SLC4A5: variants seen among roughly 807,000 people sequenced by gnomAD.
SLC4A5 encodes electrogenic sodium bicarbonate cotransporter 4.
A neutral mutation model predicts 120.4 loss-of-function variants in SLC4A5; 96 were observed. That is an observed-to-expected ratio of 0.80 (90% CI 0.68 to 0.94). The LOEUF is 0.94. SLC4A5 is among the 40% of genes least tolerant of loss of function. The pLI is 0.00. For synonymous variants in SLC4A5, 550 were observed against 571.1 expected (o/e 0.96, Z 0.53); for missense variants, 1,259 against 1,459.5 (o/e 0.86, Z 2.24).
chr2:74,320,715 C>T (rs950709729), intron 5 of SLC4A5, among the ~76,000 whole-genome samples: 1 of 152,056 alleles, frequency 6.6e-6, no homozygotes, highest in African/African-American at 2.4e-5. Context: ...ACGGGATTCA[C>T]CACAAAAGAT....
chr2:74,255,113 G>T lies in SLC4A5; in HGVS notation c.1026-407C>A, dbSNP rs142328720. On this transcript the variant is annotated intron_variant, in intron 13 of 30. Coordinates refer to ENST00000394019, the Ensembl canonical transcript of SLC4A5. This position sits in a 1 kb window ranked among gnomAD's most constrained non-coding sequence, Gnocchi z 4.0. ...TGGGATTAGAGGAATGAGCCACTGC[G>T]CTGGGCCCATTCTTAACTTTTTTAC... is the stretch of plus-strand genomic sequence containing the variant. 6.5e-4 allele frequency among the ~76,000 whole-genome samples: 99 copies of T among 151,956 alleles called. 1 individual carries two copies. The highest frequency in any genetic ancestry group is 2.2e-3 in the African/African-American group (93 of 41,448).
intron 7 of SLC4A5, among the ~76,000 whole-genome samples, chr2:74,294,962 T>G (rs1331462289): frequency 6.6e-6 from 1 of 152,186 alleles, no homozygotes; most frequent in African/African-American, 2.4e-5. Context: ...TGAGCCACCA[T>G]GCCTGGCCCT....
At chr2:74,340,094 A>G (rs1673589971) in intron 2 of SLC4A5, among the ~76,000 whole-genome samples, 1 of 152,216 alleles carries the variant, frequency 6.6e-6, no homozygotes, top group African/African-American at 2.4e-5. Flanking sequence ...GAATGATGAA[A>G]AAGTTCTGGA....
intron 10 of SLC4A5, among the ~76,000 whole-genome samples, chr2:74,262,904 G>GTA (rs1188107159): frequency 3.3e-5 from 5 of 152,006 alleles, no homozygotes; most frequent in Non-Finnish European, 7.4e-5. Context: ...GACAAGAACC[G>GTA]TACCTACACG....
At chr2:74,265,406 T>C (rs1671272596) in intron 8 of SLC4A5, 142 bp from the exon 9 acceptor site, 1 of 957,244 alleles carries the variant, frequency 1.0e-6, no homozygotes. Flanking sequence ...AGGCAGAGGA[T>C]CTCTTGGGGA....
chr2:74,264,973 A>T, intron 9 of SLC4A5, 131 bp downstream of exon 9: 1 of 1,045,222 alleles, frequency 9.6e-7, no homozygotes, highest in Non-Finnish European at 1.4e-6. Context: ...AACAGAGTCA[A>T]AGCTGGTCTC....
At position 74,328,172 on chromosome 2, in the gene SLC4A5, C is replaced by T; in HGVS notation, c.-55G>A. 1 of 985,898 alleles carries T rather than the reference C, an allele frequency of 1.0e-6. No homozygotes were observed. Among genetic ancestry groups the T allele is most frequent in the Non-Finnish European group, 1.2e-6 (1 of 829,956 alleles). 61.1% of individuals were successfully genotyped at this position (985,898 alleles called of 1,614,324 possible). ...GATCCAAATCCCAGGGAGGCCAGAACCACTTGCTCTGTTCCTGTTGGGTGG... is the reference window on the plus strand; with the variant it reads ...GATCCAAATCCCAGGGAGGCCAGAATCACTTGCTCTGTTCCTGTTGGGTGG... On this transcript the variant is annotated 5_prime_UTR_variant, in exon 5 of 31. An upstream open reading frame in the 5' UTR gains an earlier in-frame stop. Transcript: ENST00000394019.
intron 11 of SLC4A5, among the ~76,000 whole-genome samples, chr2:74,260,929 A>G (rs1671114878): frequency 6.6e-6 from 1 of 151,948 alleles, no homozygotes; most frequent in Non-Finnish European, 1.5e-5. Context: ...AACTGGACTA[A>G]TGTTTTTATT....
chr2:74,298,723 T>A (rs536013186), intron 7 of SLC4A5, among the ~76,000 whole-genome samples: 7 of 151,958 alleles, frequency 4.6e-5, no homozygotes, highest in African/African-American at 7.3e-5. Context: ...TACAACTCAA[T>A]AGCAAAAAGA....
chr2:74,322,773 T>C (rs374057637), intron 5 of SLC4A5, among the ~76,000 whole-genome samples: 1 of 152,050 alleles, frequency 6.6e-6, no homozygotes, highest in Non-Finnish European at 1.5e-5. Flanking sequence ...ACAGAAAATA[T>C]CTGGGAAAAA....
intron 7 of SLC4A5, among the ~76,000 whole-genome samples, chr2:74,304,043 G>A (rs977280574): frequency 3.2e-4 from 48 of 151,808 alleles, no homozygotes; most frequent in African/African-American, 1.1e-3. Flanking sequence ...TAGAGACGGG[G>A]TTTCACCGTT....
chr2:74,312,185 A>C (rs571648401), intron 6 of SLC4A5, among the ~76,000 whole-genome samples: 2 of 151,378 alleles, frequency 1.3e-5, no homozygotes, highest in Non-Finnish European at 2.9e-5. Flanking sequence ...TTTACTTCTA[A>C]TCCATCTGTA....
intron 6 of SLC4A5, chr2:74,307,031 G>T: frequency 1.7e-6 from 1 of 578,292 alleles, no homozygotes; most frequent in Non-Finnish European, 3.3e-6. Context: ...GGGTGTAGTG[G>T]GCCTCCACCT....
intron 29 of SLC4A5, among the ~76,000 whole-genome samples, chr2:74,222,108 A>T (rs1376168227): frequency 6.6e-6 from 1 of 152,164 alleles, no homozygotes. Flanking sequence ...AGGACCTCCA[A>T]TTATGCCTGA....
At chr2:74,252,498 T>G in intron 15 of SLC4A5, 110 bp from the exon 16 acceptor site, 1 of 1,349,316 alleles carries the variant, frequency 7.4e-7, no homozygotes, top group Non-Finnish European at 1.0e-6. Flanking sequence ...GAAAATTGTC[T>G]AACAATATCC....
exon 31 of SLC4A5, chr2:74,218,656 T>C (rs974220484): frequency 6.5e-6 from 1 of 152,680 alleles, no homozygotes; most frequent in African/African-American, 2.4e-5. Flanking sequence ...TCAGTTTCTC[T>C]TCGGTATTTA....
At chr2:74,229,806 T>C (rs1033285787) in intron 25 of SLC4A5, among the ~76,000 whole-genome samples, 1 of 152,134 alleles carries the variant, frequency 6.6e-6, no homozygotes, top group Non-Finnish European at 1.5e-5. Context: ...GCCAGAAATA[T>C]TTTCCATTGT....
At chr2:74,317,295 T>C (rs902242952) in intron 5 of SLC4A5, among the ~76,000 whole-genome samples, 2 of 152,220 alleles carry the variant, frequency 1.3e-5, no homozygotes, top group Non-Finnish European at 2.9e-5. Context: ...ATTTTACTTT[T>C]GTTGTGTTTG....
At chr2:74,281,784 G>A (rs1671822672) in intron 8 of SLC4A5, among the ~76,000 whole-genome samples, 1 of 152,144 alleles carries the variant, frequency 6.6e-6, no homozygotes, top group South Asian at 2.1e-4. Flanking sequence ...TTTTCACTCT[G>A]TTAATCTCCT....
Sources: allele counts gnomAD v4.1 joint callset (sites outside exome capture counted in the v4.1 genomes callset), GRCh38; gene constraint gnomAD v4.1.1; non-coding constraint Gnocchi (gnomAD v3.1); transcripts MANE v1.5; gene names NCBI Gene and HGNC (gene_info 2026-07-23, HGNC 2026-07-21).